ITK: variants seen among roughly 807,000 people sequenced by gnomAD.
The protein encoded by ITK is IL2 inducible T cell kinase.
ITK carries 45 observed loss-of-function variants against 87.6 expected under a neutral mutation model. The ratio of observed to expected loss-of-function variants is 0.51; its 90% confidence interval spans 0.40 to 0.66. The LOEUF (loss-of-function observed/expected upper bound fraction) is 0.66, where lower values mean the gene tolerates loss of function less well. Ranked by LOEUF, ITK falls within the 30% of genes least tolerant of loss-of-function variation. The probability of loss-of-function intolerance (pLI) is 0.00; values close to 1 mark genes in which losing one functional copy is unlikely to be tolerated. For synonymous variants in ITK, 303 were observed against 273.6 expected (o/e 1.11, Z -1.06); for missense variants, 605 against 766.3 (o/e 0.79, Z 2.48).
intron 16 of ITK, among the ~76,000 whole-genome samples, chr5:157,250,338 T>C (rs1243941091): frequency 6.6e-6 from 1 of 152,218 alleles, no homozygotes; most frequent in African/African-American, 2.4e-5. Flanking sequence ...TCGGACTGGT[T>C]TCTTTCATTT....
rs1754188534 is a variant in ITK, at chr5:157,211,332, G to A, written c.289G>A (p.Glu97Lys). Residue 97 changes from glutamate (E) to lysine (K), a missense_variant, in exon 3 of 17, where the codon GAG becomes AAG. Physicochemically the swap from Glu to Lys is moderately conservative, Grantham distance 56. Around this residue, in one of 3 missense-constraint regions of ITK, gnomAD observed 464 missense variants for 578.0 expected, o/e 0.80. Coordinates refer to ENST00000422843, the MANE Select transcript of ITK (RefSeq NM_005546.4). ...CCTATATGTGTTTGCTCCAGATCGT[G>A]AGAGCCGGCAGCGCTGGGTGCTGGC... The part of the protein sequence containing the change: ...YLLYVFAPDR[E>K]SRQRWVLALK... 2.5e-6 allele frequency: 4 copies of A among 1,614,128 alleles called. No individual in the cohort carries two copies. The highest frequency in any genetic ancestry group is 3.4e-6 in the Non-Finnish European group (4 of 1,179,968).
intron 1 of ITK, among the ~76,000 whole-genome samples, chr5:157,182,625 C>A (rs1399134196): frequency 1.3e-5 from 2 of 152,082 alleles, no homozygotes; most frequent in African/African-American, 4.8e-5. Flanking sequence ...TCATGTAGAG[C>A]TAATAAATCG....
chr5:157,183,441 C>G (rs1217302217), intron 1 of ITK, among the ~76,000 whole-genome samples: 1 of 152,122 alleles, frequency 6.6e-6, no homozygotes, highest in African/African-American at 2.4e-5. Context: ...AATTATTTGG[C>G]AGATCGAATA....
chr5:157,234,886 A>G (rs1754745958), intron 8 of ITK, among the ~76,000 whole-genome samples: 1 of 152,184 alleles, frequency 6.6e-6, no homozygotes, highest in African/African-American at 2.4e-5. Context: ...ATACCCATGT[A>G]ACAAACCTTC....
chr5:157,213,441 AAG>A, intron 3 of ITK: 2 of 366,130 alleles, frequency 5.5e-6, no homozygotes, highest in Non-Finnish European at 1.1e-5. Flanking sequence ...GCAGTAGCAC[AAG>A]CATGGCTCAC....
intron 15 of ITK, among the ~76,000 whole-genome samples, chr5:157,248,197 A>G (rs1002910055): frequency 6.6e-6 from 1 of 152,244 alleles, no homozygotes; most frequent in African/African-American, 2.4e-5. Context: ...CTGATTTGCA[A>G]GCAGCCTTCT....
chr5:157,213,284 A>G (rs1229974076), intron 3 of ITK, among the ~76,000 whole-genome samples: 1 of 152,198 alleles, frequency 6.6e-6, no homozygotes, highest in Admixed American at 6.5e-5. Context: ...GCATGGGGGA[A>G]AATATCCCCG....
intron 4 of ITK, among the ~76,000 whole-genome samples, chr5:157,214,554 C>A (rs1754258082): frequency 6.6e-6 from 1 of 152,090 alleles, no homozygotes; most frequent in Admixed American, 6.6e-5. Context: ...GCATCAACAT[C>A]TCCTAGGAGT....
chr5:157,244,305 C>T lies in ITK; in HGVS notation c.1276C>T (p.Leu426=), dbSNP rs145991142. 1.8e-4 allele frequency: 285 copies of T among 1,614,168 alleles called. 1 individual carries two copies. The African/African-American group carries it at 3.3e-3, about 18-fold the overall frequency. Residue 426 remains leucine (L), a synonymous_variant, in exon 13 of 17, where the codon CTG becomes TTG. Transcript: ENST00000422843. ...ACTGGTGCAGCTGTATGGGGTGTGCCTGGAGCAGGCCCCCATCTGCCTGGT... is the reference window on the plus strand; with the variant it reads ...ACTGGTGCAGCTGTATGGGGTGTGCTTGGAGCAGGCCCCCATCTGCCTGGT... ...PKLVQLYGVC[L]EQAPICLVFE...
At chr5:157,190,269 A>AT (rs1008045376) in intron 1 of ITK, among the ~76,000 whole-genome samples, 1 of 152,128 alleles carries the variant, frequency 6.6e-6, no homozygotes, top group Non-Finnish European at 1.5e-5. Context: ...AACTATAGGG[A>AT]TTTTTCCCCC....
chr5:157,214,345 T>C, intron 4 of ITK, 26 bp downstream of exon 4: 2 of 1,604,478 alleles, frequency 1.2e-6, no homozygotes, highest in East Asian at 2.2e-5. Context: ...TTCCCTCTAG[T>C]TTTTGTGAAA....
Position 157,228,309 on chromosome 5 carries a change from G to A in ITK, c.661G>A (p.Val221Ile). 6.3e-7 allele frequency: 1 copy of A among 1,599,856 alleles called. No homozygotes were observed. The highest frequency in any genetic ancestry group is 8.6e-7 in the Non-Finnish European group (1 of 1,167,190). Residue 221 changes from valine to isoleucine, a missense_variant, in exon 7 of 17, where the codon GTA becomes ATA. Coordinates refer to ENST00000422843, the MANE Select transcript of ITK (RefSeq NM_005546.4). ...TCCTTTTAACAGGCATGAAGGATAT[G>A]TACCAAGCAGTTATCTGGTGGAAAA... is the stretch of plus-strand genomic sequence containing the variant. ...VQDRNGHEGY[V>I]PSSYLVEKSP...
chr5:157,203,944 G>A (rs1754025443), intron 1 of ITK, among the ~76,000 whole-genome samples: 1 of 152,158 alleles, frequency 6.6e-6, no homozygotes, highest in South Asian at 2.1e-4. Flanking sequence ...AGGGTTATGG[G>A]GAAGGGTGGG....
intron 1 of ITK, among the ~76,000 whole-genome samples, chr5:157,182,602 C>G (rs1331550589): frequency 1.3e-5 from 2 of 152,098 alleles, no homozygotes; most frequent in African/African-American, 4.8e-5. Context: ...AGTTTGTGAA[C>G]TTGGGGGATT....
At chr5:157,240,422 C>T (rs994602522) in intron 10 of ITK, 9 of 584,594 alleles carry the variant, frequency 1.5e-5, no homozygotes, top group African/African-American at 1.5e-4. Flanking sequence ...TGAAAGCAAC[C>T]CCCTGCCACA....
intron 1 of ITK, among the ~76,000 whole-genome samples, chr5:157,197,304 G>A (rs753631459): frequency 7.9e-5 from 12 of 152,102 alleles, no homozygotes; most frequent in Non-Finnish European, 1.6e-4. Context: ...GGGGTTATGC[G>A]GTTACAAGGG....
rs1010917123 is a variant in ITK at position 157,219,007 on chromosome 5, G to T, written c.495+1100G>T. Among the ~76,000 whole-genome samples the T allele has an allele frequency of 4.0e-5, 6 of 150,608 alleles. No homozygotes were observed. In the South Asian group the frequency reaches 1.3e-3, roughly 32 times the overall value. On this transcript the variant is annotated intron_variant, in intron 5 of 16. Transcript: ENST00000422843. Reference sequence around the variant, plus strand: ...TACCTACTCTAGGGCAGCTTATTTTGTTAAGGAGATGAAAAAAAAAAGATG... The same window carrying T: ...TACCTACTCTAGGGCAGCTTATTTTTTTAAGGAGATGAAAAAAAAAAGATG...
intron 8 of ITK, among the ~76,000 whole-genome samples, chr5:157,235,402 G>A (rs914448352): frequency 6.6e-6 from 1 of 152,086 alleles, no homozygotes; most frequent in Non-Finnish European, 1.5e-5. Context: ...TATGGAACGT[G>A]GTTTTTCTTG....
intron 16 of ITK, among the ~76,000 whole-genome samples, chr5:157,249,415 G>T (rs534961268): frequency 2.0e-5 from 3 of 152,202 alleles, no homozygotes; most frequent in Non-Finnish European, 4.4e-5. Context: ...CTTAATTTGA[G>T]TTCATTTTAT....
Sources: allele counts gnomAD v4.1 joint callset (sites outside exome capture counted in the v4.1 genomes callset), GRCh38; gene constraint gnomAD v4.1.1; regional missense constraint gnomAD v4.1.1; transcripts MANE v1.5; gene names NCBI Gene and HGNC (gene_info 2026-07-23, HGNC 2026-07-21).